ZNF438: variants seen among roughly 807,000 people sequenced by gnomAD.
ZNF438 encodes zinc finger protein 438.
ZNF438 carries 25 observed loss-of-function variants against 38.0 expected under a neutral mutation model. The observed-to-expected ratio is 0.66, with a 90% CI of 0.48 to 0.92. ZNF438 has a LOEUF of 0.92. Ranked by LOEUF, ZNF438 falls within the 40% of genes least tolerant of loss-of-function variation. The pLI is 0.00. For synonymous variants in ZNF438, 372 were observed against 364.1 expected (o/e 1.02, Z -0.25); for missense variants, 1,007 against 999.6 (o/e 1.01, Z -0.10).
intron 3 of ZNF438, among the ~76,000 whole-genome samples, chr10:30,884,744 A>C (rs1374558717): frequency 1.3e-5 from 2 of 152,242 alleles, no homozygotes; most frequent in Admixed American, 1.3e-4. Flanking sequence ...ATTAAAAATG[A>C]AAATTAGGTG....
intron 4 of ZNF438, among the ~76,000 whole-genome samples, chr10:30,876,538 G>C (rs1440853298): frequency 1.3e-5 from 2 of 152,052 alleles, no homozygotes; most frequent in East Asian, 3.8e-4. Flanking sequence ...TTTTTAAATG[G>C]ATATCAGGGG....
intron 3 of ZNF438, among the ~76,000 whole-genome samples, chr10:30,883,289 T>C (rs549012908): frequency 8.5e-5 from 13 of 152,292 alleles, no homozygotes; most frequent in African/African-American, 2.4e-4. Flanking sequence ...ACAAACTCTC[T>C]GGCAATGTGC....
chr10:30,866,976 C>T (rs962910531), intron 4 of ZNF438, among the ~76,000 whole-genome samples: 3 of 152,098 alleles, frequency 2.0e-5, no homozygotes, highest in East Asian at 1.9e-4. Flanking sequence ...ACGTTACATG[C>T]GTGGATAAAA....
At chr10:30,876,670 A>G (rs952155164) in intron 4 of ZNF438, among the ~76,000 whole-genome samples, 4 of 152,124 alleles carry the variant, frequency 2.6e-5, no homozygotes, top group African/African-American at 9.7e-5. Flanking sequence ...ATTTTGCTTC[A>G]ATAAAGCCAA....
intron 2 of ZNF438, among the ~76,000 whole-genome samples, chr10:30,929,729 G>C (rs977867548): frequency 6.6e-6 from 1 of 152,164 alleles, no homozygotes; most frequent in Non-Finnish European, 1.5e-5. Flanking sequence ...TGATTGGTGT[G>C]TTTACAATCC....
intron 1 of ZNF438, among the ~76,000 whole-genome samples, chr10:30,969,351 C>T (rs576433863): frequency 1.3e-5 from 2 of 152,296 alleles, no homozygotes; most frequent in African/African-American, 2.4e-5. Context: ...TACTAAATGG[C>T]ATATCACTAA....
chr10:30,957,644 C>T (rs138225784), intron 1 of ZNF438, among the ~76,000 whole-genome samples: 183 of 152,260 alleles, frequency 1.2e-3, no homozygotes, highest in Non-Finnish European at 1.7e-3. Flanking sequence ...TTAGCATGTT[C>T]ATCAATCAGC....
chr10:30,920,979 AG>A, intron 2 of ZNF438: 1 of 152,346 alleles, frequency 6.6e-6, no homozygotes, highest in Non-Finnish European at 1.5e-5. Context: ...AAATATATTC[AG>A]GGTTTTTCTA....
At chr10:30,932,548 G>A (rs187195160) in intron 2 of ZNF438, among the ~76,000 whole-genome samples, 40 of 152,294 alleles carry the variant, frequency 2.6e-4, no homozygotes, top group African/African-American at 8.2e-4. Context: ...CTGAGGCAGT[G>A]GGTAATCAGC....
At chr10:30,922,927 CTAAGTA>C (rs1013966114) in intron 2 of ZNF438, among the ~76,000 whole-genome samples, 2 of 152,054 alleles carry the variant, frequency 1.3e-5, no homozygotes, top group Non-Finnish European at 2.9e-5. Context: ...ACAACCCTTT[CTAAGTA>C]TGTTAGGTTA....
chr10:30,933,601 G>C (rs1007775162), intron 2 of ZNF438, among the ~76,000 whole-genome samples: 4 of 152,160 alleles, frequency 2.6e-5, no homozygotes, highest in African/African-American at 9.7e-5. Context: ...TTGGGTGACA[G>C]AGTGAGACCC....
chr10:30,895,576 T>A (rs1054230311), intron 3 of ZNF438, among the ~76,000 whole-genome samples: 2 of 152,096 alleles, frequency 1.3e-5, no homozygotes, highest in African/African-American at 4.8e-5. Flanking sequence ...AAAGGCAACT[T>A]ATAGAATGAA....
intron 1 of ZNF438, among the ~76,000 whole-genome samples, chr10:30,985,095 C>T (rs2052623957): frequency 6.6e-6 from 1 of 152,172 alleles, no homozygotes; most frequent in East Asian, 1.9e-4. Context: ...TTTAAGACAC[C>T]TAGCAGTAAC....
At chr10:30,921,907 A>C (rs1254328470) in intron 2 of ZNF438, among the ~76,000 whole-genome samples, 1 of 152,206 alleles carries the variant, frequency 6.6e-6, no homozygotes, top group African/African-American at 2.4e-5. Context: ...TTCACAAAAG[A>C]AATGCATACC....
chr10:30,973,196 G>C (rs2050942254), intron 1 of ZNF438, among the ~76,000 whole-genome samples: 1 of 152,204 alleles, frequency 6.6e-6, no homozygotes, highest in Non-Finnish European at 1.5e-5. Context: ...TCAGAACACA[G>C]TCAATCCCAC....
rs59833704 is a variant in ZNF438 at position 30,851,099 on chromosome 10, T to A, written c.38-732A>T. On this transcript the variant is annotated intron_variant, in intron 4 of 5. Transcript: ENST00000413025. Reference sequence around the variant, plus strand: ...TATTAAAAAAGCTGATGTGACACCTTTAAAAAATGTTGAACAAAAAACAGA... The same window carrying A: ...TATTAAAAAAGCTGATGTGACACCTATAAAAAATGTTGAACAAAAAACAGA... Among the ~76,000 whole-genome samples the A allele has an allele frequency of 3.9e-3, 591 of 152,280 alleles. 7 individuals carry two copies. Among genetic ancestry groups the A allele is most frequent in the African/African-American group, 0.013 (554 of 41,552 alleles).
intron 2 of ZNF438, among the ~76,000 whole-genome samples, chr10:30,928,852 T>C (rs2045283985): frequency 6.6e-6 from 1 of 152,166 alleles, no homozygotes; most frequent in Non-Finnish European, 1.5e-5. Flanking sequence ...AGCTGGTCCT[T>C]TCACAGACTT....
chr10:30,896,720 C>T (rs944500870), intron 3 of ZNF438, among the ~76,000 whole-genome samples: 1 of 151,980 alleles, frequency 6.6e-6, no homozygotes, highest in Non-Finnish European at 1.5e-5. Context: ...GATGGGTATA[C>T]GGTTCCAGTT....
chr10:30,871,121 G>C (rs1414350533), intron 4 of ZNF438, among the ~76,000 whole-genome samples: 1 of 152,144 alleles, frequency 6.6e-6, no homozygotes, highest in Admixed American at 6.5e-5. Flanking sequence ...ACCACTTTCA[G>C]GTTAAATCCC....
Sources: allele counts gnomAD v4.1 joint callset (sites outside exome capture counted in the v4.1 genomes callset), GRCh38; gene constraint gnomAD v4.1.1; transcripts MANE v1.5; gene names NCBI Gene and HGNC (gene_info 2026-07-23, HGNC 2026-07-21).